The following IFRD2 variants were observed in gnomAD, a reference collection of about 807,000 sequenced individuals.
IFRD2 encodes interferon-related developmental regulator 2.
Under a neutral mutation model 49.2 loss-of-function variants are expected in IFRD2, and 35 were observed. The ratio of observed to expected loss-of-function variants is 0.71; its 90% CI spans 0.54 to 0.94. IFRD2 has a LOEUF of 0.94. Ranked by LOEUF, IFRD2 falls within the 40% of genes least tolerant of loss-of-function variation. The probability of loss-of-function intolerance (pLI) is 0.00; values close to 1 mark genes in which losing one functional copy is unlikely to be tolerated. For synonymous variants in IFRD2, 275 were observed against 239.7 expected (o/e 1.15, Z -1.36); for missense variants, 561 against 591.6 (o/e 0.95, Z 0.54).
rs781852996 is a variant in IFRD2, at chr3:50,290,590, G to T, written c.148C>A (p.Leu50Ile). ...ARSTASECPS[L>I]LSTTAEDSLG... ...CTGTCCTCTGCAGTGGTGCTGAGAAGGCTGGGGCATTCACTGGCGGTGCTG... is the reference window on the plus strand; with the variant it reads ...CTGTCCTCTGCAGTGGTGCTGAGAATGCTGGGGCATTCACTGGCGGTGCTG... Residue 50 changes from leucine to isoleucine, a missense_variant, in exon 2 of 12, where the codon CTT becomes ATT. Leu to Ile is a conservative substitution (Grantham distance 5). Coordinates refer to ENST00000417626, the MANE Select transcript of IFRD2 (RefSeq NM_006764.5). The T allele has an allele frequency of 6.2e-7, 1 of 1,614,018 alleles. No homozygotes were observed. The highest frequency in any genetic ancestry group is 8.5e-7 in the Non-Finnish European group (1 of 1,179,892).
At chr3:50,288,537 A>G in intron 10 of IFRD2, 33 bp from the exon 11 acceptor site, 16 of 1,613,988 alleles carry the variant, frequency 9.9e-6, no homozygotes, top group Non-Finnish European at 1.3e-5. Flanking sequence ...CTCAGGCCAG[A>G]CTGAAGCAAC....
chr3:50,289,723 C>T lies in IFRD2; in HGVS notation c.586G>A (p.Ala196Thr), dbSNP rs587716301. Residue 196 changes from alanine to threonine, a missense_variant, in exon 6 of 12, where the codon GCT becomes ACT. Transcript: ENST00000417626. ...ALGLGCYVAA[A>T]DIQDLVSCLA... Reference sequence around the variant, plus strand: ...CAAAGACCCCTCACCTGGATGTCAGCGGCAGCCACGTAGCAGCCCAGGCCA... The same window carrying T: ...CAAAGACCCCTCACCTGGATGTCAGTGGCAGCCACGTAGCAGCCCAGGCCA... 4.4e-6 allele frequency: 7 copies of T among 1,602,932 alleles called. No individual in the cohort carries two copies. Among genetic ancestry groups the T allele is most frequent in the South Asian group, 2.3e-5 (2 of 88,800 alleles).
At position 50,289,738 on chromosome 3, in the gene IFRD2, A is replaced by G; in HGVS notation, c.571T>C (p.Cys191Arg). Residue 191 changes from cysteine to arginine, a missense_variant, in exon 6 of 12, where the codon TGC (cysteine) becomes CGC (arginine). Physicochemically the swap from Cys to Arg is radical, Grantham distance 180. Transcript: ENST00000417626. ...LHCASALGLG[C>R]YVAAADIQDL... The stretch of plus-strand genomic sequence containing the variant: ...TGGATGTCAGCGGCAGCCACGTAGC[A>G]GCCCAGGCCAAGGGCAGAAGCACAC... 6.2e-7 allele frequency: 1 copy of G among 1,603,784 alleles called. No individual in the cohort carries two copies. Among genetic ancestry groups the G allele is most frequent in the Non-Finnish European group, 8.5e-7 (1 of 1,175,420 alleles).
rs782814182 is a variant in IFRD2, at chr3:50,290,302, A to C, written c.264-8T>G. On this transcript the variant is annotated splice_polypyrimidine_tract_variant and splice_region_variant and intron_variant, in intron 3 of 11. Coordinates refer to ENST00000417626, the MANE Select transcript of IFRD2 (RefSeq NM_006764.5). ...CCCTGCCGGGTCTTGGCACTGGGGG[A>C]GGTCGAGAAGGGGGGTCATATGGGC... 6 of 1,608,446 alleles carry C rather than the reference A, an allele frequency of 3.7e-6. No individual in the cohort carries two copies. The Admixed American group carries it at 1.0e-4, about 27-fold the overall frequency.
In IFRD2 at chr3:50,290,310, A is replaced by G; in HGVS notation, c.264-16T>C. 6.2e-7 allele frequency: 1 copy of G among 1,608,482 alleles called. No homozygotes were observed. The highest frequency in any genetic ancestry group is 8.5e-7 in the Non-Finnish European group (1 of 1,177,310). ...GGTCTTGGCACTGGGGGAGGTCGAGAAGGGGGGTCATATGGGCCAGCCCTC... is the reference window on the plus strand; with the variant it reads ...GGTCTTGGCACTGGGGGAGGTCGAGGAGGGGGGTCATATGGGCCAGCCCTC... On this transcript the variant is annotated splice_polypyrimidine_tract_variant and intron_variant, in intron 3 of 11. Transcript: ENST00000417626.
intron 5 of IFRD2, 31 bp downstream of exon 5, chr3:50,289,898 G>C: frequency 6.2e-7 from 1 of 1,611,740 alleles, no homozygotes. Context: ...TAAGGTGCAG[G>C]AAGGGTTTCA....
chr3:50,288,092 AT>A lies in IFRD2; in HGVS notation c.*98del. On this transcript the variant is annotated 3_prime_UTR_variant, in exon 12 of 12. Coordinates refer to ENST00000417626, the MANE Select transcript of IFRD2 (RefSeq NM_006764.5). ...GTTTTTGGTTTTGTCATTAAAAAAA[AT>A]AAAGTGACAAATACTGGTGGAGACC... 8.8e-7 allele frequency: 1 copy of A among 1,140,256 alleles called. No individual in the cohort carries two copies. Among genetic ancestry groups the A allele is most frequent in the African/African-American group, 1.6e-5 (1 of 64,476 alleles). The allele number at this position is 1,140,256 out of a possible 1,614,324, so 70.6% of individuals were successfully genotyped here.
Position 50,288,228 on chromosome 3 carries a change from C to T in IFRD2, c.1292G>A (p.Arg431Gln), listed in dbSNP as rs369995042. 6.2e-6 allele frequency: 10 copies of T among 1,613,800 alleles called. No individual in the cohort carries two copies. The highest frequency in any genetic ancestry group is 1.6e-4 in the Middle Eastern group (1 of 6,084). ...TGCCCGCTTGTCCCGCACACGGCTT[C>T]GAGCCTTGGTCCGGGCTTTGAAGGC... ...AAAFKARTKA[R>Q]SRVRDKRADI... Residue 431 changes from arginine (R) to glutamine (Q), a missense_variant, in exon 12 of 12, where the codon CGA becomes CAA. Physicochemically the swap from Arg to Gln is conservative, Grantham distance 43. Coordinates refer to ENST00000417626, the MANE Select transcript of IFRD2 (RefSeq NM_006764.5).
chr3:50,289,308 T>C lies in IFRD2; in HGVS notation c.832A>G (p.Ile278Val), dbSNP rs1553709203. Residue 278 changes from isoleucine to valine, a missense_variant, in exon 8 of 12, where the codon ATC (isoleucine) becomes GTC (valine). By Grantham distance (29) the Ile-to-Val change is conservative. Coordinates refer to ENST00000417626, the MANE Select transcript of IFRD2 (RefSeq NM_006764.5). ...AGTGCAATGGTTTCACCGGCAGCGA[T>C]CCGCAGGTTCACACTTTCACTGGAC... ...LLSSESVNLR[I>V]AAGETIALLF... 2 of 1,600,036 alleles carry C rather than the reference T, an allele frequency of 1.2e-6. No individual in the cohort carries two copies. Among genetic ancestry groups the C allele is most frequent in the South Asian group, 1.1e-5 (1 of 88,528 alleles).
At position 50,289,705 on chromosome 3, in the gene IFRD2, C is replaced by A; in HGVS notation, c.597+7G>T. On this transcript the variant is annotated splice_region_variant and intron_variant, in intron 6 of 11. Coordinates refer to ENST00000417626, the MANE Select transcript of IFRD2 (RefSeq NM_006764.5). ...TGCTCTACCACCTGTGCCCAAAGAC[C>A]CCTCACCTGGATGTCAGCGGCAGCC... 6.2e-7 allele frequency: 1 copy of A among 1,600,512 alleles called. No individual in the cohort carries two copies. Among genetic ancestry groups the A allele is most frequent in the South Asian group, 1.1e-5 (1 of 88,412 alleles).
In IFRD2 at chr3:50,288,088, A is replaced by AAAAAT. The variant is rs1201411534; in HGVS notation, c.*98_*102dup. The AAAAAT allele has an allele frequency of 1.4e-5, 16 of 1,128,830 alleles. No homozygotes were observed. In the Admixed American group the frequency reaches 3.3e-4, roughly 24 times the overall value. 69.9% of individuals were successfully genotyped at this position (1,128,830 alleles called of 1,614,324 possible). On this transcript the variant is annotated 3_prime_UTR_variant, in exon 12 of 12. Transcript: ENST00000417626. ...GTCTGTTTTTGGTTTTGTCATTAAA[A>AAAAAT]AAAATAAAGTGACAAATACTGGTGG...
Position 50,292,265 on chromosome 3 carries a change from C to G in IFRD2, c.10G>C (p.Ala4Pro). 6.5e-7 allele frequency: 1 copy of G among 1,540,194 alleles called. No individual in the cohort carries two copies. Among genetic ancestry groups the G allele is most frequent in the Non-Finnish European group, 8.7e-7 (1 of 1,147,280 alleles). The change falls in exon 1 of 12, where the codon GCC becomes CCC. Residue 4 changes from alanine to proline, a missense_variant. By Grantham distance (27) the Ala-to-Pro change is conservative (BLOSUM62 -1). Coordinates refer to ENST00000417626, the MANE Select transcript of IFRD2 (RefSeq NM_006764.5). ...TTCCGGAGCGTGTTGCCCTTACGGGCGCGAGGCATGCCGGGAACCGGGCGC... is the reference window on the plus strand; with the variant it reads ...TTCCGGAGCGTGTTGCCCTTACGGGGGCGAGGCATGCCGGGAACCGGGCGC... The part of the protein sequence containing the change: MPR[A>P]RKGNTLRKGG...
chr3:50,292,198 C>T lies in IFRD2; in HGVS notation c.58+19G>A, dbSNP rs782683479. On this transcript the variant is annotated intron_variant, in intron 1 of 11. Coordinates refer to ENST00000417626, the MANE Select transcript of IFRD2 (RefSeq NM_006764.5). ...GCCCGCCGCTCATACAGCTGTCCCG[C>T]GCCCCCCACCCCACTCACCTCCTCC... is the stretch of plus-strand genomic sequence containing the variant. 3 of 1,449,964 alleles carry T rather than the reference C, an allele frequency of 2.1e-6. No homozygotes were observed. Among genetic ancestry groups the T allele is most frequent in the Non-Finnish European group, 2.7e-6 (3 of 1,102,790 alleles). 89.8% of individuals were successfully genotyped at this position (1,449,964 alleles called of 1,614,324 possible).
At position 50,288,916 on chromosome 3, in the gene IFRD2, T is replaced by A. The variant is rs1042556775; in HGVS notation, c.907A>T (p.Met303Leu). 18 of 1,612,934 alleles carry A rather than the reference T, an allele frequency of 1.1e-5. No individual in the cohort carries two copies. The highest frequency in any genetic ancestry group is 1.5e-5 in the Non-Finnish European group (18 of 1,179,364). ...DLEEEFVYED[M>L]EALCSVLRTL... ...CGCAGGACACTGCAGAGGGCCTCCA[T>A]GTCCTCGTAAACAAACTCCTCCTGC... The change falls in exon 9 of 12, where the codon ATG becomes TTG. Residue 303 changes from methionine to leucine, a missense_variant. Physicochemically the swap from Met to Leu is conservative, Grantham distance 15. Coordinates refer to ENST00000417626, the MANE Select transcript of IFRD2 (RefSeq NM_006764.5).
chr3:50,287,920 G>A lies in IFRD2; in HGVS notation c.*271C>T, dbSNP rs1224469848. On this transcript the variant is annotated 3_prime_UTR_variant, in exon 12 of 12. Transcript: ENST00000417626. ...CCTGAGAAAGGAAAGGAAGGGAAAG[G>A]CCCCCTAGTGCCTGCCCCACAGCCC... The A allele has an allele frequency of 4.5e-6, 2 of 447,782 alleles. No homozygotes were observed. The highest frequency in any genetic ancestry group is 8.1e-6 in the Non-Finnish European group (2 of 245,820). 27.7% of individuals were successfully genotyped at this position (447,782 alleles called of 1,614,324 possible).
At chr3:50,290,762 A>G (rs1235033818) in intron 1 of IFRD2, 83 bp from the exon 2 acceptor site, 2 of 1,526,820 alleles carry the variant, frequency 1.3e-6, no homozygotes, top group Non-Finnish European at 1.8e-6. Flanking sequence ...TCATAATCCC[A>G]AAAGATAGAA....
chr3:50,290,045 G>A lies in IFRD2; in HGVS notation c.430C>T (p.Leu144=), dbSNP rs1285821398. 3 of 1,613,692 alleles carry A rather than the reference G, an allele frequency of 1.9e-6. No individual in the cohort carries two copies. Among genetic ancestry groups the A allele is most frequent in the South Asian group, 1.1e-5 (1 of 91,042 alleles). The change falls in exon 5 of 12, where the codon CTG becomes TTG. Residue 144 remains leucine, a synonymous_variant. Coordinates refer to ENST00000417626, the MANE Select transcript of IFRD2 (RefSeq NM_006764.5). ...CCAGGGCCCAGCTGCACGCAGAGCA[G>A]GCCTAGCACAGCAGCAGCCAGGGCT... ...EQALAAAVLG[L]LCVQLGPGPK... is the part of the protein sequence containing the mutation.
chr3:50,289,668 T>G (rs1559802198), intron 6 of IFRD2, 40 bp from the exon 7 acceptor site: 2 of 1,595,150 alleles, frequency 1.3e-6, no homozygotes, highest in Non-Finnish European at 1.7e-6. Context: ...GAGGCAGAGT[T>G]ACAGCCCTAG....
chr3:50,288,207 C>A lies in IFRD2; in HGVS notation c.1313G>T (p.Arg438Leu), dbSNP rs2229648. Residue 438 changes from arginine to leucine, a missense_variant, in exon 12 of 12, where the codon CGG (arginine) becomes CTG (leucine). By Grantham distance (102) the Arg-to-Leu change is moderately radical. Coordinates refer to ENST00000417626, the MANE Select transcript of IFRD2 (RefSeq NM_006764.5). The stretch of plus-strand genomic sequence containing the variant: ...GGTCCTGCTTCACAGGATGTCTGCC[C>A]GCTTGTCCCGCACACGGCTTCGAGC... ...TKARSRVRDK[R>L]ADIL 10 of 1,613,608 alleles carry A rather than the reference C, an allele frequency of 6.2e-6. No homozygotes were observed.
Sources: allele counts gnomAD v4.1 joint callset, GRCh38; gene constraint gnomAD v4.1.1; transcripts MANE v1.5; gene names NCBI Gene and HGNC (gene_info 2026-07-23, HGNC 2026-07-21).